Variants in KIF26B observed in about 807,000 individuals in gnomAD.
KIF26B encodes kinesin-like protein KIF26B.
KIF26B carries 63 observed loss-of-function variants against 151.2 expected under a neutral mutation model. That is an observed-to-expected ratio of 0.42 (90% CI 0.34 to 0.51). KIF26B has a LOEUF of 0.51. Among genes scored for constraint, KIF26B ranks in the 20% least tolerant of loss-of-function variants. The probability of loss-of-function intolerance (pLI) is 0.07; values close to 1 mark genes in which losing one functional copy is unlikely to be tolerated. For missense variants in KIF26B, 2,813 were observed against 2,913.6 expected, an observed-to-expected ratio of 0.97 and a Z score of 0.79; for synonymous variants, 1,357 against 1,262.1, an observed-to-expected ratio of 1.08 and a Z score of -1.59.
intron 9 of KIF26B, among the ~76,000 whole-genome samples, chr1:245,635,383 A>AT (rs1215566929): frequency 6.6e-6 from 1 of 151,888 alleles, no homozygotes; most frequent in Non-Finnish European, 1.5e-5. Flanking sequence ...CTTTCAAGAC[A>AT]TTTTTCCATT....
intron 4 of KIF26B, among the ~76,000 whole-genome samples, chr1:245,456,308 G>C (rs965731815): frequency 1.3e-5 from 2 of 152,280 alleles, no homozygotes; most frequent in Admixed American, 6.5e-5. Flanking sequence ...GATAAATGAT[G>C]CTGCCATGAA....
chr1:245,273,416 CAAAAA>C (rs36085161), intron 2 of KIF26B, among the ~76,000 whole-genome samples: 1 of 127,052 alleles, frequency 7.9e-6, no homozygotes, highest in Non-Finnish European at 1.8e-5. Flanking sequence ...AGACTTATCT[CAAAAA>C]AAAAAAAAAA....
At chr1:245,394,935 C>G (rs1673794538) in intron 3 of KIF26B, among the ~76,000 whole-genome samples, 1 of 152,098 alleles carries the variant, frequency 6.6e-6, no homozygotes, top group African/African-American at 2.4e-5. Context: ...CAGGTGATCA[C>G]ACCCTCCTTG....
At chr1:245,584,797 C>A (rs2043207447) in intron 5 of KIF26B, among the ~76,000 whole-genome samples, 2 of 152,108 alleles carry the variant, frequency 1.3e-5, no homozygotes, top group Non-Finnish European at 2.9e-5. Context: ...AAGAAAAATT[C>A]TTTAGCCTAT....
intron 4 of KIF26B, among the ~76,000 whole-genome samples, chr1:245,428,058 T>C (rs1658689861): frequency 6.6e-6 from 1 of 152,206 alleles, no homozygotes; most frequent in Non-Finnish European, 1.5e-5. Flanking sequence ...GGGCTCATGT[T>C]GTCCTGGCCG....
intron 2 of KIF26B, among the ~76,000 whole-genome samples, chr1:245,303,423 C>T (rs530306158): frequency 2.1e-4 from 31 of 150,760 alleles, no homozygotes; most frequent in Admixed American, 1.2e-3. Flanking sequence ...TGGTCTCGAT[C>T]TCCTGACCTC....
intron 2 of KIF26B, among the ~76,000 whole-genome samples, chr1:245,261,286 C>T (rs977275168): frequency 1.3e-4 from 20 of 151,904 alleles, no homozygotes; most frequent in African/African-American, 4.1e-4. Context: ...GCTGGGATTA[C>T]AGGCCTGGCT....
intron 4 of KIF26B, among the ~76,000 whole-genome samples, chr1:245,519,858 C>T (rs1193985303): frequency 2.0e-5 from 3 of 152,198 alleles, no homozygotes; most frequent in Middle Eastern, 3.4e-3. Flanking sequence ...ATATGTGGTT[C>T]GTCCTTGACT....
rs906612271 is a variant in KIF26B at position 245,484,089 on chromosome 1, A to G, written c.1167-56678A>G. On this transcript the variant is annotated intron_variant, in intron 4 of 14. Transcript: ENST00000407071. ...GTTAGGCCTGGGCTGATCCCACGCC[A>G]TTTTTTTATTTCTTCTGGTTTGATT... Among the ~76,000 whole-genome samples, 19 of 151,710 alleles carry G rather than the reference A, an allele frequency of 1.3e-4. 1 individual carries two copies. The highest frequency in any genetic ancestry group is 4.6e-4 in the African/African-American group (19 of 41,462).
chr1:245,412,117 T>A (rs592961), intron 3 of KIF26B, among the ~76,000 whole-genome samples: 73,456 of 152,038 alleles, frequency 0.48, 18,470 homozygotes, highest in South Asian at 0.64. Flanking sequence ...ATACTAAGGG[T>A]TTACAAATTA....
At chr1:245,631,499 A>G (rs1395033231) in intron 9 of KIF26B, among the ~76,000 whole-genome samples, 2 of 151,994 alleles carry the variant, frequency 1.3e-5, no homozygotes, top group South Asian at 2.1e-4. Context: ...GTATTATGTT[A>G]TTGGTGTGTT....
At chr1:245,353,665 G>C (rs916372828) in intron 2 of KIF26B, 1 of 152,714 alleles carries the variant, frequency 6.5e-6, no homozygotes, top group Admixed American at 6.5e-5. Context: ...TGGCAGAGAG[G>C]TGTGGCCAAG....
chr1:245,205,117 G>C (rs963788565), intron 2 of KIF26B, among the ~76,000 whole-genome samples: 1 of 152,116 alleles, frequency 6.6e-6, no homozygotes, highest in East Asian at 1.9e-4. Context: ...AACAGGCCTG[G>C]TTGGGGTGTG....
At chr1:245,335,625 GAGGGGAAAGGAGAGTCC>G (rs1672205051) in intron 2 of KIF26B, among the ~76,000 whole-genome samples, 1 of 151,136 alleles carries the variant, frequency 6.6e-6, no homozygotes, top group African/African-American at 2.4e-5. Context: ...AGAGTCCCAC[GAGGGGAAAGGAGAGTCC>G]CACGAGGGGA....
chr1:245,337,790 A>G (rs1672265668), intron 2 of KIF26B, among the ~76,000 whole-genome samples: 1 of 152,228 alleles, frequency 6.6e-6, no homozygotes, highest in South Asian at 2.1e-4. Flanking sequence ...ATGACAAATT[A>G]GAAAGTCCAG....
In KIF26B at chr1:245,550,474, T is replaced by C. The variant is rs543671647; in HGVS notation, c.1350+9524T>C. ...CTGGCTCCTCACCAGCACCCTGCTGTAAACGCTCAGCTGCCCCTTCCCCTA... is the reference window on the plus strand; with the variant it reads ...CTGGCTCCTCACCAGCACCCTGCTGCAAACGCTCAGCTGCCCCTTCCCCTA... On this transcript the variant is annotated intron_variant, in intron 5 of 14. Transcript: ENST00000407071. Among the ~76,000 whole-genome samples the C allele has an allele frequency of 1.3e-3, 199 of 152,360 alleles. 1 individual carries two copies. The Middle Eastern group carries it at 0.014, about 10-fold the overall frequency.
intron 9 of KIF26B, among the ~76,000 whole-genome samples, chr1:245,639,794 T>C (rs1321126330): frequency 6.6e-6 from 1 of 151,914 alleles, no homozygotes; most frequent in Non-Finnish European, 1.5e-5. Context: ...TTGTTATTTA[T>C]AGTTTTATTC....
Position 245,155,038 on chromosome 1 carries a change from C to G in KIF26B, c.-387C>G. Reference sequence around the variant, plus strand: ...TTCCCACAGCTGACTCGGCTCGGCTCTCCCACCTTCCCGGCAGCGGCCGCG... The same window carrying G: ...TTCCCACAGCTGACTCGGCTCGGCTGTCCCACCTTCCCGGCAGCGGCCGCG... On this transcript the variant is annotated 5_prime_UTR_variant, in exon 1 of 15. Transcript: ENST00000407071. The G allele has an allele frequency of 2.2e-6, 1 of 453,174 alleles. No homozygotes were observed. The highest frequency in any genetic ancestry group is 3.8e-6 in the Non-Finnish European group (1 of 262,366). The allele number at this position is 453,174 out of a possible 1,614,324, so 28.1% of individuals were successfully genotyped here. A position where few individuals can be genotyped will look rare whatever the true frequency, so the allele number is the denominator to read the frequency against.
chr1:245,610,169 C>A (rs545758836), intron 8 of KIF26B, among the ~76,000 whole-genome samples: 2 of 152,236 alleles, frequency 1.3e-5, no homozygotes, highest in African/African-American at 4.8e-5. Flanking sequence ...CTTTATTTTC[C>A]CGTGTTGTCA....
Sources: gnomAD v4.1 joint callset for allele counts (sites outside exome capture counted in the v4.1 genomes callset) on GRCh38, gnomAD v4.1.1 for gene constraint, MANE v1.5 for transcripts, NCBI Gene and HGNC (gene_info 2026-07-23, HGNC 2026-07-21) for gene names.